Variants in GLRA3 observed in about 807,000 individuals in gnomAD.
GLRA3 encodes the protein glycine receptor alpha 3.
Under a neutral mutation model 60.4 loss-of-function variants are expected in GLRA3, and 44 were observed. The observed-to-expected ratio is 0.73, with a 90% CI of 0.57 to 0.94. The LOEUF is 0.94. GLRA3 is among the 40% of genes least tolerant of loss of function. The pLI is 0.00. For missense variants in GLRA3, 508 were observed against 564.6 expected (o/e 0.90, Z 1.02); for synonymous variants, 223 against 192.9 (o/e 1.16, Z -1.29).
chr4:174,746,499 CG>C (rs1737252955), intron 3 of GLRA3, among the ~76,000 whole-genome samples: 1 of 151,900 alleles, frequency 6.6e-6, no homozygotes, highest in African/African-American at 2.4e-5. Flanking sequence ...CTGGGGAGAC[CG>C]GGTAGTGGGA....
At chr4:174,676,836 A>G (rs984950601) in intron 7 of GLRA3, among the ~76,000 whole-genome samples, 9 of 152,160 alleles carry the variant, frequency 5.9e-5, no homozygotes, top group Admixed American at 3.3e-4. Context: ...TAAGAGTATT[A>G]TTGATATTTA....
chr4:174,705,604 A>T lies in GLRA3; in HGVS notation c.574+9884T>A, dbSNP rs553816149. On this transcript the variant is annotated intron_variant, in intron 5 of 9. Coordinates refer to ENST00000274093, the MANE Select transcript of GLRA3 (RefSeq NM_006529.4). ...CCAATAGTCTTTTCAGTTATGTAAGAGAAGAGGGGAGTCATTCCGGACAAC... is the reference window on the plus strand; with the variant it reads ...CCAATAGTCTTTTCAGTTATGTAAGTGAAGAGGGGAGTCATTCCGGACAAC... Among the ~76,000 whole-genome samples, 3 of 144,030 alleles carry T rather than the reference A, an allele frequency of 2.1e-5. No individual in the cohort carries two copies. The East Asian group carries it at 6.9e-4, about 33-fold the overall frequency. The allele number at this position is 144,030 out of a possible 152,430, so 94.5% of individuals were successfully genotyped here.
chr4:174,652,011 A>G (rs1300549639), intron 9 of GLRA3, among the ~76,000 whole-genome samples: 1 of 151,962 alleles, frequency 6.6e-6, no homozygotes. Flanking sequence ...GACCTTAAAA[A>G]CATCAAGTTT....
chr4:174,782,056 C>G (rs1323346438), intron 2 of GLRA3, among the ~76,000 whole-genome samples: 1 of 147,880 alleles, frequency 6.8e-6, no homozygotes, highest in African/African-American at 2.5e-5. Context: ...AACATTGATG[C>G]AAAAATCCTC....
chr4:174,711,045 T>C (rs144451559), intron 5 of GLRA3, among the ~76,000 whole-genome samples: 227 of 152,202 alleles, frequency 1.5e-3, no homozygotes, highest in Middle Eastern at 0.01. Flanking sequence ...AGTCATTTAG[T>C]ATTTGTTTTT....
In GLRA3 at chr4:174,657,306, T is replaced by C. The variant is rs185305815; in HGVS notation, c.1072-519A>G. Among the ~76,000 whole-genome samples, 339 of 152,282 alleles carry C rather than the reference T, an allele frequency of 2.2e-3. 1 individual carries two copies. The highest frequency in any genetic ancestry group is 7.7e-3 in the African/African-American group (319 of 41,580). On this transcript the variant is annotated intron_variant, in intron 8 of 9. Transcript: ENST00000274093. ...TTATGATTACTGGATGTGTGGTGGATGTAGGATATGTCTGAGCTTTCACAG... is the reference window on the plus strand; with the variant it reads ...TTATGATTACTGGATGTGTGGTGGACGTAGGATATGTCTGAGCTTTCACAG...
chr4:174,744,695 A>G (rs1737168521), intron 3 of GLRA3, among the ~76,000 whole-genome samples: 1 of 152,238 alleles, frequency 6.6e-6, no homozygotes. Flanking sequence ...AGAAATGACT[A>G]TTACACCAGT....
intron 3 of GLRA3, among the ~76,000 whole-genome samples, chr4:174,747,079 T>A (rs1329307275): frequency 6.6e-6 from 1 of 152,206 alleles, no homozygotes; most frequent in Non-Finnish European, 1.5e-5. Context: ...ATATTATGGA[T>A]CCTTCTATTA....
At chr4:174,781,802 C>T (rs1213673465) in intron 2 of GLRA3, among the ~76,000 whole-genome samples, 1 of 152,194 alleles carries the variant, frequency 6.6e-6, no homozygotes, top group African/African-American at 2.4e-5. Flanking sequence ...ATAACATGCT[C>T]TGCAATTGTG....
At position 174,728,475 on chromosome 4, in the gene GLRA3, C is replaced by A; in HGVS notation, c.491G>T (p.Arg164Ile). ...FKNGNVLYSI[R>I]LTLTLSCPMD... is the part of the protein sequence containing the mutation. ...TCGGCAATTTAAGTCCACGACTCAC[C>A]TTATTGAATAAAGAACATTTCCATT... is the stretch of plus-strand genomic sequence containing the variant. The change falls in exon 4 of 10, where the codon AGA becomes ATA. Residue 164 changes from arginine to isoleucine, a missense_variant and splice_region_variant. Coordinates refer to ENST00000274093, the MANE Select transcript of GLRA3 (RefSeq NM_006529.4). The A allele has an allele frequency of 6.6e-7, 1 of 1,518,424 alleles. No individual in the cohort carries two copies. The highest frequency in any genetic ancestry group is 9.1e-7 in the Non-Finnish European group (1 of 1,094,180). The allele number at this position is 1,518,424 out of a possible 1,614,324, so 94.1% of individuals were successfully genotyped here.
intron 5 of GLRA3, among the ~76,000 whole-genome samples, chr4:174,700,512 A>G (rs1242618773): frequency 6.6e-6 from 1 of 152,172 alleles, no homozygotes; most frequent in Non-Finnish European, 1.5e-5. Flanking sequence ...ATTAATAACT[A>G]CGAAGACCTT....
chr4:174,749,464 T>C (rs527568713), intron 3 of GLRA3, among the ~76,000 whole-genome samples: 1 of 152,242 alleles, frequency 6.6e-6, no homozygotes, highest in South Asian at 2.1e-4. Flanking sequence ...ATCCATTAAA[T>C]GATAGGATAC....
Position 174,643,656 on chromosome 4 carries a change from G to A in GLRA3, c.*130C>T, listed in dbSNP as rs942241725. The A allele has an allele frequency of 1.4e-6, 2 of 1,401,866 alleles. No homozygotes were observed. The highest frequency in any genetic ancestry group is 1.9e-6 in the Non-Finnish European group (2 of 1,074,712). The allele number at this position is 1,401,866 out of a possible 1,614,324, so 86.8% of individuals were successfully genotyped here. ...TTTGCATAGCTAACCAAAATACAAAGCTTTTCCATATGCCATTTTAATACA... is the reference window on the plus strand; with the variant it reads ...TTTGCATAGCTAACCAAAATACAAAACTTTTCCATATGCCATTTTAATACA... On this transcript the variant is annotated 3_prime_UTR_variant, in exon 10 of 10. Transcript: ENST00000274093.
Position 174,641,302 on chromosome 4 carries a change from T to C in GLRA3, c.*2484A>G, listed in dbSNP as rs1732616310. ...ATTTTGTGGTTGGTTTAATTTAAAA[T>C]ATTCTGGTTGGACACAGGGCTTATT... On this transcript the variant is annotated 3_prime_UTR_variant, in exon 10 of 10. Transcript: ENST00000274093. 1 of 152,130 alleles carries C rather than the reference T, an allele frequency of 6.6e-6. No individual in the cohort carries two copies. Among genetic ancestry groups the C allele is most frequent in the South Asian group, 2.1e-4 (1 of 4,838 alleles). 9.4% of individuals were successfully genotyped at this position (152,130 alleles called of 1,614,324 possible).
intron 5 of GLRA3, among the ~76,000 whole-genome samples, chr4:174,688,366 T>C (rs1417562044): frequency 8.6e-6 from 1 of 116,196 alleles, no homozygotes; most frequent in African/African-American, 3.2e-5. Flanking sequence ...TATATATATA[T>C]ATTCATCAGG....
At chr4:174,799,472 C>T (rs893078143) in intron 1 of GLRA3, among the ~76,000 whole-genome samples, 4 of 152,110 alleles carry the variant, frequency 2.6e-5, no homozygotes, top group African/African-American at 2.4e-5. Context: ...TTCCGTAAGT[C>T]GTAACTGAGA....
At chr4:174,772,615 T>A (rs1738436382) in intron 2 of GLRA3, among the ~76,000 whole-genome samples, 2 of 152,174 alleles carry the variant, frequency 1.3e-5, no homozygotes, top group South Asian at 4.1e-4. Flanking sequence ...CTTAAAATTT[T>A]AAAATATTCA....
At chr4:174,701,850 T>C (rs1735334551) in intron 5 of GLRA3, among the ~76,000 whole-genome samples, 1 of 152,166 alleles carries the variant, frequency 6.6e-6, no homozygotes, top group Non-Finnish European at 1.5e-5. Flanking sequence ...GTCACCAAAT[T>C]GCTACAATCT....
intron 3 of GLRA3, among the ~76,000 whole-genome samples, chr4:174,737,907 C>T (rs1736868102): frequency 6.6e-6 from 1 of 151,888 alleles, no homozygotes; most frequent in Non-Finnish European, 1.5e-5. Context: ...TTTTTTAATT[C>T]ATGAGGACTT....
Sources: allele counts gnomAD v4.1 joint callset (sites outside exome capture counted in the v4.1 genomes callset), GRCh38; gene constraint gnomAD v4.1.1; transcripts MANE v1.5; gene names NCBI Gene and HGNC (gene_info 2026-07-23, HGNC 2026-07-21).